METTL21A: variants seen among roughly 807,000 people sequenced by gnomAD.
The protein encoded by METTL21A is methyltransferase 21A, HSPA lysine.
In METTL21A, 22 loss-of-function variants were observed where a neutral mutation model predicts 20.9. The ratio of observed to expected loss-of-function variants is 1.05; its 90% confidence interval spans 0.75 to 1.50. METTL21A has a LOEUF of 1.50. Among genes scored for constraint, METTL21A ranks in the 40% most tolerant of loss-of-function variants. The pLI is 0.00. For missense variants in METTL21A, 271 were observed against 266.8 expected, an observed-to-expected ratio of 1.02 and a Z score of -0.11; for synonymous variants, 93 against 102.0, an observed-to-expected ratio of 0.91 and a Z score of 0.53.
chr2:207,590,362 T>A (rs776010097), intron 3 of METTL21A, among the ~76,000 whole-genome samples: 11 of 151,918 alleles, frequency 7.2e-5, no homozygotes, highest in Admixed American at 2.0e-4. Context: ...CCTTTTTTTT[T>A]AAGTCTGGCT....
At chr2:207,619,815 C>A (rs2090265588) in intron 3 of METTL21A, among the ~76,000 whole-genome samples, 1 of 152,126 alleles carries the variant, frequency 6.6e-6, no homozygotes, top group Non-Finnish European at 1.5e-5. Flanking sequence ...TGGAGCACTT[C>A]CTTTGTGTCA....
At chr2:207,621,964 G>T in intron 2 of METTL21A, 47 bp from the exon 3 acceptor site, 3 of 1,545,364 alleles carry the variant, frequency 1.9e-6, no homozygotes, top group South Asian at 1.1e-5. Flanking sequence ...ACATGTGCTT[G>T]AGTAGCTGCA....
At chr2:207,608,130 A>G (rs1047829424), downstream of METTL21A, among the ~76,000 whole-genome samples, 4 of 152,128 alleles carry the variant, frequency 2.6e-5, no homozygotes, top group African/African-American at 9.7e-5. Context: ...ATAAAGGACC[A>G]TCACCCTGCC....
Position 207,613,300 on chromosome 2 carries a change from C to A in METTL21A, c.403G>T (p.Gly135Ter). The A allele has an allele frequency of 6.2e-7, 1 of 1,614,080 alleles. No individual in the cohort carries two copies. Among genetic ancestry groups the A allele is most frequent in the Non-Finnish European group, 8.5e-7 (1 of 1,180,010 alleles). The stretch of plus-strand genomic sequence containing the variant: ...GCACCAAGTATCAGGTCAAATTCTC[C>A]AGGAGAAAAACTCCCCAAATTTTGT... The change falls in exon 4 of 4, where the codon GGA (glycine) becomes TGA (stop). Residue 135 changes from glycine to a stop codon, truncating the protein, a stop_gained. Coordinates refer to ENST00000406927, the Ensembl canonical transcript of METTL21A. LOFTEE classifies it high-confidence loss of function.
At chr2:207,617,307 A>C (rs1221216694) in intron 3 of METTL21A, among the ~76,000 whole-genome samples, 1 of 152,244 alleles carries the variant, frequency 6.6e-6, no homozygotes, top group East Asian at 1.9e-4. Flanking sequence ...TGTGGGAAGA[A>C]AAATAATAGA....
intron 3 of METTL21A, among the ~76,000 whole-genome samples, chr2:207,619,174 T>C (rs1363921186): frequency 5.0e-4 from 2 of 4,036 alleles, no homozygotes; most frequent in Non-Finnish European, 8.2e-4. Context: ...ATAGCACCGC[T>C]TTTTTTTTTT....
downstream of METTL21A, among the ~76,000 whole-genome samples, chr2:207,608,262 T>C (rs147673683): frequency 6.6e-6 from 1 of 152,254 alleles, no homozygotes; most frequent in African/African-American, 2.4e-5. Context: ...GATCAGAATA[T>C]TGATCTTGGA....
chr2:207,582,848 G>C, intron 3 of METTL21A: 1 of 334,262 alleles, frequency 3.0e-6, no homozygotes, highest in South Asian at 2.3e-5. Context: ...AGCTGAGATG[G>C]CACTACTACT....
chr2:207,606,802 T>C (rs2088185384), downstream of METTL21A, among the ~76,000 whole-genome samples: 1 of 152,198 alleles, frequency 6.6e-6, no homozygotes, highest in African/African-American at 2.4e-5. Context: ...TTAAAGTACT[T>C]TAAAATTTTA....
At chr2:207,605,870 C>G (rs1245452521), downstream of METTL21A, among the ~76,000 whole-genome samples, 1 of 152,110 alleles carries the variant, frequency 6.6e-6, no homozygotes, top group African/African-American at 2.4e-5. Context: ...ATATTGTTTC[C>G]TAATGATTAT....
At chr2:207,582,219 A>G (rs1398742829) in intron 3 of METTL21A, 1 of 702,260 alleles carries the variant, frequency 1.4e-6, no homozygotes, top group Admixed American at 2.0e-5. Context: ...CACAGTAATT[A>G]GGTGTATTTT....
downstream of METTL21A, chr2:207,612,454 T>G (rs918051276): frequency 2.3e-5 from 1 of 42,930 alleles, no homozygotes; most frequent in Admixed American, 2.8e-4. Flanking sequence ...TTAATTCCTT[T>G]ATTTATATAT....
rs2107363922 is a variant in METTL21A at position 207,624,226 on chromosome 2, T to TA, written c.147+2dup. On this transcript the variant is annotated splice_region_variant and intron_variant, in intron 2 of 3. Coordinates refer to ENST00000406927, the Ensembl canonical transcript of METTL21A. ...TTTCAGAGGTCCCCCAGGGCTTACTTACCGCATCCCAAACCACCGCTGCGA... is the reference window on the plus strand; with the variant it reads ...TTTCAGAGGTCCCCCAGGGCTTACTTAACCGCATCCCAAACCACCGCTGCGA... 6.3e-7 allele frequency: 1 copy of TA among 1,598,316 alleles called. No individual in the cohort carries two copies. The highest frequency in any genetic ancestry group is 8.5e-7 in the Non-Finnish European group (1 of 1,173,748).
downstream of METTL21A, among the ~76,000 whole-genome samples, chr2:207,605,038 G>C (rs1184166493): frequency 6.6e-6 from 1 of 152,120 alleles, no homozygotes; most frequent in African/African-American, 2.4e-5. Flanking sequence ...ATGAATGTTC[G>C]TGTACAAGTA....
At chr2:207,624,367 G>T in exon 2 of METTL21A, 1 of 1,613,092 alleles carries the variant, frequency 6.2e-7, no homozygotes, top group Non-Finnish European at 8.5e-7. Context: ...CATAGGGCAC[G>T]AGGGCCATTC....
At chr2:207,622,045 G>T in intron 2 of METTL21A, 128 bp from the exon 3 acceptor site, 1 of 758,826 alleles carries the variant, frequency 1.3e-6, no homozygotes. Context: ...AACACACACA[G>T]GAACTTAGCT....
chr2:207,595,236 C>T (rs2085908794), intron 3 of METTL21A, among the ~76,000 whole-genome samples: 1 of 151,770 alleles, frequency 6.6e-6, no homozygotes, highest in Non-Finnish European at 1.5e-5. Flanking sequence ...CCTCATGATC[C>T]ACCCGCCTCT....
intron 2 of METTL21A, among the ~76,000 whole-genome samples, chr2:207,622,703 G>A (rs1161748366): frequency 6.6e-6 from 1 of 152,206 alleles, no homozygotes; most frequent in African/African-American, 2.4e-5. Context: ...CATACGTTTT[G>A]GGCATCAGAA....
exon 3 of METTL21A, chr2:207,621,915 G>C: frequency 6.2e-7 from 1 of 1,613,132 alleles, no homozygotes; most frequent in Non-Finnish European, 8.5e-7. Context: ...AAAGAACGAT[G>C]GCCTGAATGA....
Sources: allele counts gnomAD v4.1 joint callset (sites outside exome capture counted in the v4.1 genomes callset), GRCh38; gene constraint gnomAD v4.1.1; transcripts MANE v1.5; gene names NCBI Gene and HGNC (gene_info 2026-07-23, HGNC 2026-07-21).